Variants in SUSD6 observed in about 807,000 individuals in gnomAD.
SUSD6 encodes the protein sushi domain containing 6, also known as sushi domain-containing protein 6.
A neutral mutation model predicts 28.4 loss-of-function variants in SUSD6; 16 were observed. That is an observed-to-expected ratio of 0.56 (90% CI 0.38 to 0.86). The LOEUF is 0.86. Ranked by LOEUF, SUSD6 falls within the 40% of genes least tolerant of loss-of-function variation. The probability of loss-of-function intolerance (pLI) is 0.00; values close to 1 mark genes in which losing one functional copy is unlikely to be tolerated. For missense variants in SUSD6, 341 were observed against 384.2 expected, an observed-to-expected ratio of 0.89 and a Z score of 0.94; for synonymous variants, 147 against 159.6, an observed-to-expected ratio of 0.92 and a Z score of 0.59.
chr14:69,651,196 TG>T (rs1247875402), intron 1 of SUSD6, among the ~76,000 whole-genome samples: 1 of 152,184 alleles, frequency 6.6e-6, no homozygotes, highest in Non-Finnish European at 1.5e-5. Context: ...TCCTGTCCTG[TG>T]ATCAGGTCCC....
rs1886475822 is a variant in SUSD6, at chr14:69,712,335, G to A, written c.*1356G>A. 1 of 152,462 alleles carries A rather than the reference G, an allele frequency of 6.6e-6. No individual in the cohort carries two copies. The highest frequency in any genetic ancestry group is 1.5e-5 in the Non-Finnish European group (1 of 68,222). 9.4% of individuals were successfully genotyped at this position (152,462 alleles called of 1,614,324 possible). ...AGCAGCCTGGAGTACAGGGCCCTGG[G>A]GGAGGAGCCCACTGATGAGGGGCGC... On this transcript the variant is annotated 3_prime_UTR_variant, in exon 6 of 6. Transcript: ENST00000342745.
At chr14:69,684,326 T>C (rs991555296) in intron 2 of SUSD6, among the ~76,000 whole-genome samples, 4 of 152,196 alleles carry the variant, frequency 2.6e-5, no homozygotes, top group African/African-American at 9.7e-5. Context: ...AAATAAGAAA[T>C]CTGATATGTA....
chr14:69,670,163 G>A (rs943705978), intron 2 of SUSD6, among the ~76,000 whole-genome samples: 3 of 152,236 alleles, frequency 2.0e-5, no homozygotes, highest in Non-Finnish European at 2.9e-5. Context: ...TAATGCCACA[G>A]AGGGCTTTCT....
At chr14:69,659,874 C>T (rs989533132) in intron 2 of SUSD6, among the ~76,000 whole-genome samples, 7 of 152,160 alleles carry the variant, frequency 4.6e-5, no homozygotes, top group African/African-American at 1.2e-4. Flanking sequence ...GCTCCAGAGA[C>T]CCTTCTAGGC....
chr14:69,658,692 C>G lies in SUSD6; in HGVS notation c.100C>G (p.Leu34Val). 1.9e-6 allele frequency: 3 copies of G among 1,614,032 alleles called. No individual in the cohort carries two copies. Among genetic ancestry groups the G allele is most frequent in the Non-Finnish European group, 2.5e-6 (3 of 1,179,942 alleles). The part of the protein sequence containing the change: ...FLPLVILCTL[L>V]GDGLASVCPL... ...TCCGCTAGTGATCCTTTGCACCCTG[C>G]TTGGAGACGGACTTGCTTCCGGTAA... Residue 34 changes from leucine to valine, a missense_variant, in exon 2 of 6, where the codon CTT (leucine) becomes GTT (valine). By Grantham distance (32) the Leu-to-Val change is conservative. Coordinates refer to ENST00000342745, the MANE Select transcript of SUSD6 (RefSeq NM_014734.4).
At chr14:69,675,542 C>CTTTTT (rs5809439) in intron 2 of SUSD6, among the ~76,000 whole-genome samples, 1 of 149,786 alleles carries the variant, frequency 6.7e-6, no homozygotes, top group Non-Finnish European at 1.5e-5. Context: ...AGTTTCTGTG[C>CTTTTT]TTTTTTTTTT....
At chr14:69,650,841 G>C (rs1222010695) in intron 1 of SUSD6, among the ~76,000 whole-genome samples, 2 of 152,274 alleles carry the variant, frequency 1.3e-5, no homozygotes, top group East Asian at 3.9e-4. Flanking sequence ...CAAATGTGCT[G>C]ATGGATTGAT....
intron 1 of SUSD6, among the ~76,000 whole-genome samples, chr14:69,657,911 TCATCTTTTTCAGGGACAGCCAA>T (rs1885607695): frequency 6.6e-6 from 1 of 152,154 alleles, no homozygotes; most frequent in Non-Finnish European, 1.5e-5. Context: ...TCCCCCCGTC[TCATCTTTTTCAGGGACAGCCAA>T]CATAATGTGG....
chr14:69,622,494 A>G (rs1470875186), intron 1 of SUSD6, among the ~76,000 whole-genome samples: 1 of 152,102 alleles, frequency 6.6e-6, no homozygotes, highest in South Asian at 2.1e-4. Flanking sequence ...TCTTCTCCTC[A>G]TAGATTTCAA....
intron 1 of SUSD6, among the ~76,000 whole-genome samples, chr14:69,642,690 C>G (rs1228425564): frequency 1.4e-5 from 2 of 142,190 alleles, no homozygotes; most frequent in Admixed American, 1.4e-4. Context: ...CGAGAGAATT[C>G]TGGGCGATAC....
At chr14:69,679,347 G>C (rs1295018954) in intron 2 of SUSD6, among the ~76,000 whole-genome samples, 1 of 152,134 alleles carries the variant, frequency 6.6e-6, no homozygotes, top group Non-Finnish European at 1.5e-5. Flanking sequence ...TGTGATCATT[G>C]ATGTTAACAT....
chr14:69,674,941 A>T (rs1279175773), intron 2 of SUSD6, among the ~76,000 whole-genome samples: 1 of 152,220 alleles, frequency 6.6e-6, no homozygotes, highest in Non-Finnish European at 1.5e-5. Context: ...ATTCATTTGA[A>T]GTAAAATCAG....
At chr14:69,612,390 A>G (rs1884891825) in intron 1 of SUSD6, among the ~76,000 whole-genome samples, 1 of 152,210 alleles carries the variant, frequency 6.6e-6, no homozygotes, top group South Asian at 2.1e-4. Flanking sequence ...AACTTCTCTT[A>G]TTAACCAGGC....
chr14:69,690,278 A>G (rs1016980667), intron 2 of SUSD6, among the ~76,000 whole-genome samples: 5 of 152,182 alleles, frequency 3.3e-5, no homozygotes, highest in Admixed American at 1.3e-4. Context: ...TTTAGGCCCA[A>G]GTTTCACTAT....
intron 4 of SUSD6, among the ~76,000 whole-genome samples, chr14:69,707,946 G>A (rs1161417261): frequency 6.6e-6 from 1 of 152,148 alleles, no homozygotes; most frequent in Non-Finnish European, 1.5e-5. Flanking sequence ...TAGGTTCTGG[G>A]CAGTGTTCTT....
At chr14:69,630,954 A>G (rs573765764) in intron 1 of SUSD6, among the ~76,000 whole-genome samples, 1 of 152,172 alleles carries the variant, frequency 6.6e-6, no homozygotes, top group South Asian at 2.1e-4. Flanking sequence ...GTTTTACTCC[A>G]CTCCATTCTG....
chr14:69,677,389 CA>C (rs371196545), intron 2 of SUSD6, among the ~76,000 whole-genome samples: 5 of 151,312 alleles, frequency 3.3e-5, no homozygotes, highest in African/African-American at 7.3e-5. Flanking sequence ...ACTAAAAATA[CA>C]AAAAAAATTA....
intron 2 of SUSD6, among the ~76,000 whole-genome samples, chr14:69,683,415 T>C (rs1390929626): frequency 6.6e-6 from 1 of 152,184 alleles, no homozygotes; most frequent in African/African-American, 2.4e-5. Context: ...CAAAATGGTA[T>C]TTAACTACTA....
At chr14:69,682,338 A>G (rs1002572551) in intron 2 of SUSD6, among the ~76,000 whole-genome samples, 72 of 152,256 alleles carry the variant, frequency 4.7e-4, no homozygotes, top group African/African-American at 1.6e-3. Flanking sequence ...ACTTGTCTCA[A>G]AAAAAGAGAG....
Sources: gnomAD v4.1 joint callset for allele counts (sites outside exome capture counted in the v4.1 genomes callset) on GRCh38, gnomAD v4.1.1 for gene constraint, MANE v1.5 for transcripts, NCBI Gene and HGNC (gene_info 2026-07-23, HGNC 2026-07-21) for gene names.